The following C1orf105 variants were observed in gnomAD, a reference collection of about 807,000 sequenced individuals.
C1orf105 encodes the protein chromosome 1 open reading frame 105.
In C1orf105, 17 loss-of-function variants were observed where a neutral mutation model predicts 20.8. The observed-to-expected ratio is 0.82, with a 90% CI of 0.56 to 1.23. The LOEUF (loss-of-function observed/expected upper bound fraction) is 1.23, where lower values mean the gene tolerates loss of function less well. C1orf105 is among the 50% of genes most tolerant of loss of function. The pLI is 0.00. For missense variants in C1orf105, 219 were observed against 213.5 expected (o/e 1.03, Z -0.16); for synonymous variants, 72 against 72.1 (o/e 1.00, Z 0.01).
chr1:172,462,939 AT>A (rs5778735), intron 5 of C1orf105, among the ~76,000 whole-genome samples: 117,470 of 150,630 alleles, frequency 0.78, 46,033 homozygotes, highest in East Asian at 1. Flanking sequence ...TGCCTGGCTA[AT>A]TTTTTTTTTT....
chr1:172,453,195 G>A lies in C1orf105; in HGVS notation c.199-3220G>A, dbSNP rs1027745444. Reference sequence around the variant, plus strand: ...CAGCTGATAGCAAGTCTGAGGTAGAGTACAGCACAGATCAAAGATTGCTTT... The same window carrying A: ...CAGCTGATAGCAAGTCTGAGGTAGAATACAGCACAGATCAAAGATTGCTTT... On this transcript the variant is annotated intron_variant, in intron 3 of 6. Transcript: ENST00000367727. The A allele has an allele frequency of 4.5e-6, 7 of 1,550,558 alleles. No individual in the cohort carries two copies. The African/African-American group carries it at 5.5e-5, about 12-fold the overall frequency.
At chr1:172,434,271 A>C (rs1414419710) in intron 1 of C1orf105, among the ~76,000 whole-genome samples, 1 of 151,936 alleles carries the variant, frequency 6.6e-6, no homozygotes, top group Non-Finnish European at 1.5e-5. Flanking sequence ...CATCTACAAA[A>C]CTCTCCACCC....
chr1:172,449,932 G>A (rs1184407740), intron 3 of C1orf105, among the ~76,000 whole-genome samples: 3 of 152,178 alleles, frequency 2.0e-5, no homozygotes, highest in Admixed American at 2.0e-4. Flanking sequence ...GGTTTGTTCT[G>A]GGTCTCTGTA....
chr1:172,438,644 A>G (rs1274335336), intron 1 of C1orf105, among the ~76,000 whole-genome samples: 2 of 152,244 alleles, frequency 1.3e-5, no homozygotes, highest in Non-Finnish European at 2.9e-5. Context: ...TTAGAATATT[A>G]CATGAAATTG....
chr1:172,468,796 A>G lies in C1orf105; in HGVS notation c.*202A>G. 4.4e-6 allele frequency: 2 copies of G among 450,348 alleles called. No homozygotes were observed. The highest frequency in any genetic ancestry group is 7.8e-6 in the Non-Finnish European group (2 of 254,820). The allele number at this position is 450,348 out of a possible 1,614,324, so 27.9% of individuals were successfully genotyped here. ...TCCTAAAGACAAAATTGTTTAATTT[A>G]CATGATTATAAAGATCTGTTTATGA... On this transcript the variant is annotated 3_prime_UTR_variant, in exon 7 of 7. Coordinates refer to ENST00000367727, the MANE Select transcript of C1orf105 (RefSeq NM_139240.4).
chr1:172,439,233 A>C (rs935289716), intron 1 of C1orf105, among the ~76,000 whole-genome samples: 2 of 152,162 alleles, frequency 1.3e-5, no homozygotes, highest in Non-Finnish European at 2.9e-5. Flanking sequence ...TATATGATTT[A>C]TCTATCTAGT....
At chr1:172,448,250 G>A (rs1648231748) in intron 2 of C1orf105, among the ~76,000 whole-genome samples, 191 bp from the exon 3 acceptor site, 1 of 152,176 alleles carries the variant, frequency 6.6e-6, no homozygotes, top group Non-Finnish European at 1.5e-5. Context: ...AAACAAAAGG[G>A]ACAGAAAAGC....
chr1:172,437,473 G>A (rs2072074430), intron 1 of C1orf105, among the ~76,000 whole-genome samples: 1 of 151,008 alleles, frequency 6.6e-6, no homozygotes, highest in African/African-American at 2.4e-5. Flanking sequence ...TTCTCAGCAA[G>A]CTATCACAAG....
At chr1:172,463,073 C>T (rs535403481) in intron 5 of C1orf105, among the ~76,000 whole-genome samples, 23 of 152,164 alleles carry the variant, frequency 1.5e-4, no homozygotes, top group African/African-American at 5.5e-4. Context: ...CACCATGCCC[C>T]ACCTAGTTTT....
intron 1 of C1orf105, among the ~76,000 whole-genome samples, chr1:172,435,821 T>TGA (rs1278271656): frequency 6.6e-6 from 1 of 152,232 alleles, no homozygotes; most frequent in African/African-American, 2.4e-5. Flanking sequence ...TGTTTCCAGA[T>TGA]GACATGATTG....
At chr1:172,442,227 C>A (rs1443219461) in intron 1 of C1orf105, 2 of 1,613,816 alleles carry the variant, frequency 1.2e-6, no homozygotes, top group African/African-American at 2.7e-5. Flanking sequence ...CTGGTGAAAA[C>A]CCATAAGTGA....
intron 1 of C1orf105, among the ~76,000 whole-genome samples, chr1:172,440,882 A>G (rs1647233041): frequency 2.0e-5 from 3 of 152,240 alleles, no homozygotes; most frequent in Admixed American, 6.5e-5. Context: ...CTGTGAATAG[A>G]TGCAGCACAA....
At chr1:172,452,935 C>T (rs1014825956) in intron 3 of C1orf105, 25 of 1,528,324 alleles carry the variant, frequency 1.6e-5, no homozygotes, top group Admixed American at 1.0e-4. Flanking sequence ...CTGAGCTGGT[C>T]GTAAGGAAAC....
At chr1:172,423,991 T>C (rs2071658526) in intron 1 of C1orf105, among the ~76,000 whole-genome samples, 1 of 152,202 alleles carries the variant, frequency 6.6e-6, no homozygotes, top group South Asian at 2.1e-4. Flanking sequence ...TTTGTTATTG[T>C]TTTTGATGCT....
chr1:172,433,642 C>T (rs183235403), intron 1 of C1orf105, among the ~76,000 whole-genome samples: 81 of 152,254 alleles, frequency 5.3e-4, no homozygotes, highest in African/African-American at 1.8e-3. Context: ...CCAGCCACTG[C>T]GAAAATATGC....
intron 1 of C1orf105, chr1:172,428,710 C>T: frequency 1.6e-6 from 1 of 632,466 alleles, no homozygotes; most frequent in Non-Finnish European, 2.8e-6. Flanking sequence ...CACTTACTAC[C>T]TTCCATTTAT....
intron 5 of C1orf105, among the ~76,000 whole-genome samples, chr1:172,463,028 C>T (rs971545549): frequency 1.3e-5 from 2 of 152,160 alleles, no homozygotes; most frequent in East Asian, 1.9e-4. Context: ...CTGCCCGCCT[C>T]GGCCTCCCAA....
chr1:172,465,716 C>T, intron 6 of C1orf105: 1 of 470,242 alleles, frequency 2.1e-6, no homozygotes, highest in South Asian at 1.5e-5. Flanking sequence ...GGGAAGGGAA[C>T]TGCATCTCTA....
chr1:172,441,675 T>C (rs2149168788), intron 1 of C1orf105: 7 of 1,385,928 alleles, frequency 5.1e-6, no homozygotes, highest in South Asian at 1.4e-5. Context: ...AGTTCTATAC[T>C]AGTTAGGAGG....
Sources: gnomAD v4.1 joint callset for allele counts (sites outside exome capture counted in the v4.1 genomes callset) on GRCh38, gnomAD v4.1.1 for gene constraint, MANE v1.5 for transcripts, NCBI Gene and HGNC (gene_info 2026-07-23, HGNC 2026-07-21) for gene names.